The following GLIPR1L2 variants were observed in gnomAD, a reference collection of about 807,000 sequenced individuals.
GLIPR1L2 encodes the protein GLIPR1 like 2, also known as GLIPR1-like protein 2.
In GLIPR1L2, 21 loss-of-function variants were observed where a neutral mutation model predicts 28.4. The observed-to-expected ratio is 0.74, with a 90% confidence interval of 0.52 to 1.06. The LOEUF is 1.06. Ranked by LOEUF, GLIPR1L2 falls within the 50% of genes least tolerant of loss-of-function variation. The pLI, the probability that GLIPR1L2 is intolerant of heterozygous loss-of-function variation, is 0.00. For synonymous variants in GLIPR1L2, 145 were observed against 139.3 expected (o/e 1.04, Z -0.29); for missense variants, 476 against 416.9 (o/e 1.14, Z -1.23).
At chr12:75,423,111 T>G in intron 4 of GLIPR1L2, 122 bp downstream of exon 4, 1 of 1,569,658 alleles carries the variant, frequency 6.4e-7, no homozygotes, top group Non-Finnish European at 8.6e-7. Context: ...ATGCTACTAT[T>G]ATGTTATCAA....
At chr12:75,428,951 C>G (rs1379897446) in intron 4 of GLIPR1L2, among the ~76,000 whole-genome samples, 2 of 152,220 alleles carry the variant, frequency 1.3e-5, no homozygotes, top group Admixed American at 1.3e-4. Context: ...TTGGAAACAC[C>G]TGGATGTCCA....
intron 1 of GLIPR1L2, among the ~76,000 whole-genome samples, chr12:75,404,527 G>T (rs1017950909): frequency 2.0e-5 from 3 of 151,264 alleles, no homozygotes; most frequent in African/African-American, 7.3e-5. Flanking sequence ...ATTCTACTTG[G>T]GTTTACTAAG....
intron 1 of GLIPR1L2, chr12:75,403,208 A>AT (rs1270063346): frequency 1.1e-5 from 5 of 435,920 alleles, no homozygotes; most frequent in East Asian, 7.1e-5. Flanking sequence ...GTGAGGATAG[A>AT]TTTTTTGATT....
chr12:75,432,393 T>G lies in GLIPR1L2; in HGVS notation c.*1232T>G, dbSNP rs1481309842. ...CAGAGGCTTAATAAACCTGAAGGTT[T>G]AAGTGAAAGAAATGACATTGAAAGA... is the stretch of plus-strand genomic sequence containing the variant. On this transcript the variant is annotated 3_prime_UTR_variant, in exon 6 of 6. Coordinates refer to ENST00000550916, the MANE Select transcript of GLIPR1L2 (RefSeq NM_001270396.2). The G allele has an allele frequency of 6.6e-6, 1 of 152,138 alleles. No individual in the cohort carries two copies. Among genetic ancestry groups the G allele is most frequent in the African/African-American group, 2.4e-5 (1 of 41,440 alleles). 9.4% of individuals were successfully genotyped at this position (152,138 alleles called of 1,614,324 possible). A position where few individuals can be genotyped will look rare whatever the true frequency, so the allele number is the denominator to read the frequency against.
intron 3 of GLIPR1L2, among the ~76,000 whole-genome samples, chr12:75,418,167 A>G (rs2045942021): frequency 6.6e-6 from 1 of 152,186 alleles, no homozygotes; most frequent in Non-Finnish European, 1.5e-5. Flanking sequence ...ATGAGGGTCA[A>G]TAAGTAGATC....
In GLIPR1L2 at chr12:75,431,501, A is replaced by G. The variant is rs1048168412; in HGVS notation, c.*340A>G. On this transcript the variant is annotated 3_prime_UTR_variant, in exon 6 of 6. Coordinates refer to ENST00000550916, the MANE Select transcript of GLIPR1L2 (RefSeq NM_001270396.2). Reference sequence around the variant, plus strand: ...AGTAGGGAATTTTCATTTTCTAAACATGTTTCCATCTCTGTGTTTTAAATA... The same window carrying G: ...AGTAGGGAATTTTCATTTTCTAAACGTGTTTCCATCTCTGTGTTTTAAATA... The G allele has an allele frequency of 1.0e-5, 2 of 193,460 alleles. No individual in the cohort carries two copies. Among genetic ancestry groups the G allele is most frequent in the African/African-American group, 4.7e-5 (2 of 42,924 alleles). The allele number at this position is 193,460 out of a possible 1,614,324, so 12.0% of individuals were successfully genotyped here.
At position 75,406,910 on chromosome 12, in the gene GLIPR1L2, A is replaced by G. The variant is rs180908004; in HGVS notation, c.235-3524A>G. On this transcript the variant is annotated intron_variant, in intron 1 of 5. Coordinates refer to ENST00000550916, the MANE Select transcript of GLIPR1L2 (RefSeq NM_001270396.2). Reference sequence around the variant, plus strand: ...AGGCCTGGGATTTAGGCCCTGTCCTATGGCCTGCATCACCCAGTTTTCACA... The same window carrying G: ...AGGCCTGGGATTTAGGCCCTGTCCTGTGGCCTGCATCACCCAGTTTTCACA... Among the ~76,000 whole-genome samples, 40 of 152,128 alleles carry G rather than the reference A, an allele frequency of 2.6e-4. No individual in the cohort carries two copies. The East Asian group carries it at 7.4e-3, about 28-fold the overall frequency.
chr12:75,402,791 G>A (rs1016179175), intron 1 of GLIPR1L2, among the ~76,000 whole-genome samples: 1 of 152,154 alleles, frequency 6.6e-6, no homozygotes, highest in Admixed American at 6.6e-5. Context: ...TTTGTAGTCA[G>A]TTTAGCAAGA....
At chr12:75,426,440 CTCCATTGTATTAT>C (rs1459525360) in intron 4 of GLIPR1L2, among the ~76,000 whole-genome samples, 1 of 152,212 alleles carries the variant, frequency 6.6e-6, no homozygotes, top group East Asian at 1.9e-4. Context: ...GCAGATAGTT[CTCCATTGTATTAT>C]ACTAAGAAGC....
intron 1 of GLIPR1L2, among the ~76,000 whole-genome samples, chr12:75,400,166 C>T (rs960568904): frequency 1.6e-4 from 25 of 152,136 alleles, no homozygotes; most frequent in Admixed American, 5.2e-4. Flanking sequence ...TTGCCCAGAC[C>T]GGAGTGCAGT....
At chr12:75,400,409 A>C (rs2139924443) in intron 1 of GLIPR1L2, among the ~76,000 whole-genome samples, 1 of 152,338 alleles carries the variant, frequency 6.6e-6, no homozygotes, top group Non-Finnish European at 1.5e-5. Context: ...GGCGTGAGCC[A>C]CCGTGCCCGG....
chr12:75,401,936 T>C (rs571414818), intron 1 of GLIPR1L2, among the ~76,000 whole-genome samples: 5 of 152,208 alleles, frequency 3.3e-5, no homozygotes, highest in East Asian at 3.9e-4. Flanking sequence ...AGAATAGCTG[T>C]ATAAGTAAAA....
intron 3 of GLIPR1L2, among the ~76,000 whole-genome samples, chr12:75,419,551 G>A (rs183650634): frequency 2.0e-5 from 3 of 152,232 alleles, no homozygotes; most frequent in East Asian, 1.9e-4. Context: ...GATGTTTCAG[G>A]TGCCAAAGTC....
intron 1 of GLIPR1L2, among the ~76,000 whole-genome samples, chr12:75,402,141 A>G (rs1048768772): frequency 6.6e-6 from 1 of 152,178 alleles, no homozygotes; most frequent in Non-Finnish European, 1.5e-5. Context: ...ATGTCCAACC[A>G]TGTTAATAAT....
intron 1 of GLIPR1L2, 36 bp from the exon 2 acceptor site, chr12:75,410,398 T>G: frequency 6.9e-7 from 1 of 1,448,000 alleles, no homozygotes; most frequent in Non-Finnish European, 9.1e-7. Context: ...AAAAAAAAAC[T>G]TATTTTGTTC....
chr12:75,417,936 A>C (rs1216190708), intron 3 of GLIPR1L2, among the ~76,000 whole-genome samples: 1 of 152,142 alleles, frequency 6.6e-6, no homozygotes, highest in Non-Finnish European at 1.5e-5. Flanking sequence ...GATGACCATA[A>C]GAATTTATGC....
chr12:75,425,808 A>G (rs1158894821), intron 4 of GLIPR1L2, among the ~76,000 whole-genome samples: 1 of 152,130 alleles, frequency 6.6e-6, no homozygotes, highest in African/African-American at 2.4e-5. Flanking sequence ...AAATAAATTA[A>G]AAGTATAATG....
intron 1 of GLIPR1L2, among the ~76,000 whole-genome samples, chr12:75,396,714 C>G (rs1482157234): frequency 1.3e-5 from 2 of 152,138 alleles, no homozygotes; most frequent in Non-Finnish European, 2.9e-5. Context: ...GTTCTCAGGA[C>G]CTATCCCAGA....
At chr12:75,413,304 C>T (rs2045889566) in intron 2 of GLIPR1L2, among the ~76,000 whole-genome samples, 1 of 151,156 alleles carries the variant, frequency 6.6e-6, no homozygotes, top group Non-Finnish European at 1.5e-5. Context: ...ATGTAACAAA[C>T]CTGCACATTG....
Sources: gnomAD v4.1 joint callset for allele counts (sites outside exome capture counted in the v4.1 genomes callset) on GRCh38, gnomAD v4.1.1 for gene constraint, MANE v1.5 for transcripts, NCBI Gene and HGNC (gene_info 2026-07-23, HGNC 2026-07-21) for gene names.